CBLN1: variants seen among roughly 807,000 people sequenced by gnomAD.
CBLN1 encodes the protein cerebellin-1.
Under a neutral mutation model 15.9 loss-of-function variants are expected in CBLN1, and 5 were observed. That is an observed-to-expected ratio of 0.31 (90% CI 0.16 to 0.66). The LOEUF (loss-of-function observed/expected upper bound fraction) is 0.66, where lower values mean the gene tolerates loss of function less well. Ranked by LOEUF, CBLN1 falls within the 30% of genes least tolerant of loss-of-function variation. CBLN1 has a pLI of 0.75. For synonymous variants in CBLN1, 90 were observed against 107.6 expected, an observed-to-expected ratio of 0.84 and a Z score of 1.01; for missense variants, 164 against 253.7, an observed-to-expected ratio of 0.65 and a Z score of 2.40.
rs1963232274 is a variant in CBLN1 at position 49,279,279 on chromosome 16, TAC to T, written c.*123_*124del. 2 of 839,976 alleles carry T rather than the reference TAC, an allele frequency of 2.4e-6. No individual in the cohort carries two copies. Among genetic ancestry groups the T allele is most frequent in the Non-Finnish European group, 3.8e-6 (2 of 526,866 alleles). The allele number at this position is 839,976 out of a possible 1,614,324, so 52.0% of individuals were successfully genotyped here. A position where few individuals can be genotyped will look rare whatever the true frequency, so the allele number is the denominator to read the frequency against. On this transcript the variant is annotated 3_prime_UTR_variant, in exon 3 of 3. Coordinates refer to ENST00000219197, the MANE Select transcript of CBLN1 (RefSeq NM_004352.4). Reference sequence around the variant, plus strand: ...GCTGGCGCGCACCTTTTTACCCAGATACAGTTAGAGAACATGTAGGAAGTTTC... The same window carrying T: ...GCTGGCGCGCACCTTTTTACCCAGATAGTTAGAGAACATGTAGGAAGTTTC...
rs1169723718 is a variant in CBLN1 at position 49,280,904 on chromosome 16, G to A, written c.384+19C>T. The A allele has an allele frequency of 2.5e-6, 4 of 1,614,068 alleles. No individual in the cohort carries two copies. The highest frequency in any genetic ancestry group is 3.4e-6 in the Non-Finnish European group (4 of 1,179,952). ...AACCCCCCTACGGGGCCAGGGCCCGGCACGAGGCGTCGGCTGACCTGTATG... is the reference window on the plus strand; with the variant it reads ...AACCCCCCTACGGGGCCAGGGCCCGACACGAGGCGTCGGCTGACCTGTATG... On this transcript the variant is annotated intron_variant, in intron 2 of 2. Coordinates refer to ENST00000219197, the MANE Select transcript of CBLN1 (RefSeq NM_004352.4).
Position 49,279,423 on chromosome 16 carries a change from A to T in CBLN1, c.563T>A (p.Phe188Tyr), listed in dbSNP as rs1845794339. Residue 188 changes from phenylalanine (F) to tyrosine (Y), a missense_variant, in exon 3 of 3, where the codon TTC becomes TAC. Physicochemically the swap from Phe to Tyr is conservative, Grantham distance 22. Coordinates refer to ENST00000219197, the MANE Select transcript of CBLN1 (RefSeq NM_004352.4). Reference protein sequence around the residue: ...GGWKYSTFSGFLVFPL With the variant: ...GGWKYSTFSGYLVFPL The stretch of plus-strand genomic sequence containing the variant: ...AGCCAGTCAGAGAGGAAACACCAGG[A>T]ATCCGGAGAAGGTCGAGTACTTCCA... The T allele has an allele frequency of 6.2e-7, 1 of 1,614,062 alleles. No individual in the cohort carries two copies. The highest frequency in any genetic ancestry group is 8.5e-7 in the Non-Finnish European group (1 of 1,180,036).
In CBLN1 at chr16:49,281,521, C is replaced by T. The variant is rs1351956710; in HGVS notation, c.-56G>A. The T allele has an allele frequency of 5.0e-6, 6 of 1,202,496 alleles. No individual in the cohort carries two copies. Among genetic ancestry groups the T allele is most frequent in the South Asian group, 2.2e-5 (1 of 45,992 alleles). 74.5% of individuals were successfully genotyped at this position (1,202,496 alleles called of 1,614,324 possible). On this transcript the variant is annotated 5_prime_UTR_variant, in exon 1 of 3. Transcript: ENST00000219197. ...CCCCAGGGCTGCTCGCGCCAGCCGC[C>T]CCCCCCGTCCCAGTCCCGCTCCGAA...
chr16:49,281,065 G>A (rs1430555471), intron 1 of CBLN1, 23 bp from the exon 2 acceptor site: 4 of 1,614,134 alleles, frequency 2.5e-6, no homozygotes, highest in East Asian at 2.2e-5. Context: ...GGGAACGAAG[G>A]GGAGTGGGCA....
At position 49,279,419 on chromosome 16, in the gene CBLN1, C is replaced by G. The variant is rs1290797588; in HGVS notation, c.567G>C (p.Leu189=). The change falls in exon 3 of 3, where the codon CTG becomes CTC. Residue 189 remains leucine, a synonymous_variant. Transcript: ENST00000219197. ...GWKYSTFSGF[L]VFPL ...TACGAGCCAGTCAGAGAGGAAACAC[C>G]AGGAATCCGGAGAAGGTCGAGTACT... 6.2e-7 allele frequency: 1 copy of G among 1,614,076 alleles called. No homozygotes were observed. Among genetic ancestry groups the G allele is most frequent in the Non-Finnish European group, 8.5e-7 (1 of 1,180,036 alleles).
chr16:49,281,462 G>C lies in CBLN1; in HGVS notation c.4C>G (p.Leu2Val). The C allele has an allele frequency of 6.7e-7, 1 of 1,497,020 alleles. No homozygotes were observed. The highest frequency in any genetic ancestry group is 8.8e-7 in the Non-Finnish European group (1 of 1,134,544). 92.7% of individuals were successfully genotyped at this position (1,497,020 alleles called of 1,614,324 possible). Residue 2 changes from leucine to valine, a missense_variant, in exon 1 of 3, where the codon CTG becomes GTG. By Grantham distance (32) the Leu-to-Val change is conservative. This residue lies in a region of CBLN1 where 127 missense variants were observed against 179.7 expected (regional missense o/e 0.71). Transcript: ENST00000219197. The stretch of plus-strand genomic sequence containing the variant: ...AGCAGCAGCAGCTCCAGGACGCCCA[G>C]CATCGCGCCGCCGGCGCCCACCCCG... M[L>V]GVLELLLLGA...
At chr16:49,280,772 A>C (rs1963265210) in intron 2 of CBLN1, 151 bp downstream of exon 2, 1 of 779,750 alleles carries the variant, frequency 1.3e-6, no homozygotes. Context: ...AGTTGAAGCC[A>C]CAGAACTGAG....
chr16:49,281,221 A>C lies in CBLN1; in HGVS notation c.245T>G (p.Met82Arg). ...ACTCACCTGGTCGAAGTAGATGATCATGGTGCGATTACTCATCTCGGACGG... is the reference window on the plus strand; with the variant it reads ...ACTCACCTGGTCGAAGTAGATGATCCTGGTGCGATTACTCATCTCGGACGG... ...HEPSEMSNRT[M>R]IIYFDQVLVN... is the part of the protein sequence containing the mutation. The change falls in exon 1 of 3, where the codon ATG (methionine) becomes AGG (arginine). Residue 82 changes from methionine to arginine, a missense_variant. Physicochemically the swap from Met to Arg is moderately conservative, Grantham distance 91. Transcript: ENST00000219197. The C allele has an allele frequency of 3.7e-6, 6 of 1,614,144 alleles. No homozygotes were observed. The highest frequency in any genetic ancestry group is 5.1e-6 in the Non-Finnish European group (6 of 1,180,040).
Position 49,279,320 on chromosome 16 carries a change from T to C in CBLN1, c.*84A>G. 1.5e-6 allele frequency: 2 copies of C among 1,300,586 alleles called. No individual in the cohort carries two copies. The highest frequency in any genetic ancestry group is 2.2e-6 in the Non-Finnish European group (2 of 906,182). The allele number at this position is 1,300,586 out of a possible 1,614,324, so 80.6% of individuals were successfully genotyped here. On this transcript the variant is annotated 3_prime_UTR_variant, in exon 3 of 3. Coordinates refer to ENST00000219197, the MANE Select transcript of CBLN1 (RefSeq NM_004352.4). The stretch of plus-strand genomic sequence containing the variant: ...GTAGGAAGTTTCAAGTCGTGCTGCT[T>C]TCTCGCCCTCTTAATTTCAGCCTCT...
chr16:49,280,085 G>A (rs921076309), intron 2 of CBLN1, among the ~76,000 whole-genome samples: 1 of 152,182 alleles, frequency 6.6e-6, no homozygotes, highest in Non-Finnish European at 1.5e-5. Context: ...CCAGCTGCCA[G>A]GACACAGTGG....
Position 49,281,538 on chromosome 16 carries a change from C to T in CBLN1, c.-73G>A, listed in dbSNP as rs1258321915. The T allele has an allele frequency of 1.8e-6, 2 of 1,091,508 alleles. No individual in the cohort carries two copies. The highest frequency in any genetic ancestry group is 2.4e-6 in the Non-Finnish European group (2 of 835,632). The allele number at this position is 1,091,508 out of a possible 1,614,324, so 67.6% of individuals were successfully genotyped here. A position where few individuals can be genotyped will look rare whatever the true frequency, so the allele number is the denominator to read the frequency against. ...CCAGCCGCCCCCCCCGTCCCAGTCCCGCTCCGAAGCCCCCTCCTCAGCTCC... is the reference window on the plus strand; with the variant it reads ...CCAGCCGCCCCCCCCGTCCCAGTCCTGCTCCGAAGCCCCCTCCTCAGCTCC... On this transcript the variant is annotated 5_prime_UTR_variant, in exon 1 of 3. Transcript: ENST00000219197.
chr16:49,280,049 C>CA (rs1188882707), intron 2 of CBLN1, among the ~76,000 whole-genome samples: 1 of 152,144 alleles, frequency 6.6e-6, no homozygotes, highest in East Asian at 1.9e-4. Context: ...AACGAACAAA[C>CA]AAAAAGCCCC....
intron 2 of CBLN1, among the ~76,000 whole-genome samples, chr16:49,280,141 C>T (rs1462311062): frequency 6.6e-6 from 1 of 152,200 alleles, no homozygotes; most frequent in Non-Finnish European, 1.5e-5. Flanking sequence ...CCGAGCGGCA[C>T]AATGTATTTC....
intron 2 of CBLN1, 77 bp downstream of exon 2, chr16:49,280,846 C>A (rs916229042): frequency 1.3e-6 from 2 of 1,566,030 alleles, no homozygotes; most frequent in South Asian, 1.1e-5. Context: ...CTGCCTACCA[C>A]CTCCGGACAG....
In CBLN1 at chr16:49,281,268, G is replaced by A; in HGVS notation, c.198C>T (p.Ala66=). The change falls in exon 1 of 3, where the codon GCC becomes GCT. Residue 66 remains alanine, a synonymous_variant. Transcript: ENST00000219197. ...RSGSAKVAFS[A]IRSTNHEPSE... ...ACGGCTCGTGGTTGGTGCTCCTGAT[G>A]GCAGAGAAAGCCACCTTGGCGCTGC... 4 of 1,614,016 alleles carry A rather than the reference G, an allele frequency of 2.5e-6. No individual in the cohort carries two copies. Among genetic ancestry groups the A allele is most frequent in the Non-Finnish European group, 3.4e-6 (4 of 1,180,034 alleles).
Sources: allele counts gnomAD v4.1 joint callset (sites outside exome capture counted in the v4.1 genomes callset), GRCh38; gene constraint gnomAD v4.1.1; regional missense constraint gnomAD v4.1.1; transcripts MANE v1.5; gene names NCBI Gene and HGNC (gene_info 2026-07-23, HGNC 2026-07-21).